Variants in MYO1F observed in about 807,000 individuals in gnomAD.
MYO1F encodes the protein myosin IF, also known as unconventional myosin-If.
A neutral mutation model predicts 146.6 loss-of-function variants in MYO1F; 60 were observed. That is an observed-to-expected ratio of 0.41 (90% confidence interval 0.33 to 0.51). MYO1F has a LOEUF of 0.51. Among genes scored for constraint, MYO1F ranks in the 20% least tolerant of loss-of-function variants. The probability of loss-of-function intolerance (pLI) is 0.25; values close to 1 mark genes in which losing one functional copy is unlikely to be tolerated. For missense variants in MYO1F, 1,274 were observed against 1,534.3 expected (o/e 0.83, Z 2.83); for synonymous variants, 602 against 602.1 (o/e 1.00, Z 0.00).
In MYO1F at chr19:8,521,542, C is replaced by G; in HGVS notation, c.3283G>C (p.Val1095Leu). The G allele has an allele frequency of 6.2e-7, 1 of 1,614,158 alleles. No homozygotes were observed. Among genetic ancestry groups the G allele is most frequent in the African/African-American group, 1.3e-5 (1 of 75,064 alleles). Residue 1095 changes from valine to leucine, a missense_variant, in exon 28 of 28, where the codon GTG (valine) becomes CTG (leucine). Physicochemically the swap from Val to Leu is conservative, Grantham distance 32 (BLOSUM62 1). This residue lies in a region of MYO1F where 374 missense variants were observed against 379.2 expected (regional missense o/e 0.99). Coordinates refer to ENST00000644032, the MANE Select transcript of MYO1F (RefSeq NM_012335.4). Reference sequence around the variant, plus strand: ...CAGGGCCCAGCTCAGATCTTCTCCACGTAGTTTCCTGGGAAAAGGCCCTCC... The same window carrying G: ...CAGGGCCCAGCTCAGATCTTCTCCAGGTAGTTTCCTGGGAAAAGGCCCTCC... ...GQEGLFPGNY[V>L]EKI
At chr19:8,541,423 GTGTTT>G (rs1972961846) in intron 15 of MYO1F, among the ~76,000 whole-genome samples, 1 of 123,196 alleles carries the variant, frequency 8.1e-6, no homozygotes, top group African/African-American at 3.4e-5. Context: ...GTGTGTGTGT[GTGTTT>G]TTTTTTTTTT....
intron 1 of MYO1F, among the ~76,000 whole-genome samples, chr19:8,575,781 C>G (rs2042229549): frequency 6.6e-6 from 1 of 152,146 alleles, no homozygotes; most frequent in African/African-American, 2.4e-5. Flanking sequence ...GTCTGCCAAG[C>G]CGACTGTTGA....
At chr19:8,555,160 C>T (rs555958026) in intron 2 of MYO1F, among the ~76,000 whole-genome samples, 9 of 150,616 alleles carry the variant, frequency 6.0e-5, no homozygotes, top group Admixed American at 2.7e-4. Flanking sequence ...CCAGCCTGGG[C>T]AACAAGAGCC....
At chr19:8,545,401 C>T (rs1178953137) in intron 13 of MYO1F, 2 of 493,372 alleles carry the variant, frequency 4.1e-6, no homozygotes, top group Non-Finnish European at 7.5e-6. Context: ...GCAAATTTGA[C>T]TCTAACTGTG....
At chr19:8,521,634 C>G (rs1460702073) in intron 27 of MYO1F, 30 bp from the exon 28 acceptor site, 1 of 1,604,838 alleles carries the variant, frequency 6.2e-7, no homozygotes, top group Admixed American at 1.7e-5. Flanking sequence ...TTGAGGTGCC[C>G]CTAGCTGGCC....
chr19:8,556,090 G>A (rs530687787), intron 1 of MYO1F, among the ~76,000 whole-genome samples: 52 of 151,270 alleles, frequency 3.4e-4, no homozygotes, highest in Non-Finnish European at 6.5e-4. Context: ...GTGCAGTGGC[G>A]TGATCTCTGC....
intron 1 of MYO1F, among the ~76,000 whole-genome samples, chr19:8,564,151 T>C (rs990151014): frequency 5.9e-5 from 9 of 151,630 alleles, no homozygotes; most frequent in African/African-American, 1.7e-4. Flanking sequence ...GAGGCCAAGG[T>C]GGATGGATCA....
intron 25 of MYO1F, among the ~76,000 whole-genome samples, chr19:8,524,404 T>C (rs1365981486): frequency 1.6e-5 from 2 of 124,974 alleles, no homozygotes; most frequent in East Asian, 2.3e-4. Context: ...GCAACAGGGC[T>C]AGACTCTGTC....
chr19:8,569,009 C>T (rs184876243), intron 1 of MYO1F, among the ~76,000 whole-genome samples: 65 of 152,142 alleles, frequency 4.3e-4, no homozygotes, highest in Middle Eastern at 6.8e-3. Flanking sequence ...AGAAAAAATG[C>T]GCCGAGATGC....
rs759894392 is a variant in MYO1F at position 8,551,854 on chromosome 19, C to T, written c.657G>A (p.Gln219=). Reference sequence around the variant, plus strand: ...TGAGGCCCAGGTTCTGCCTTTGCTCCTGGGAGGCCCCTTCCAGCAGCTGGA... The same window carrying T: ...TGAGGCCCAGGTTCTGCCTTTGCTCTTGGGAGGCCCCTTCCAGCAGCTGGA... The part of the protein sequence containing the change: ...IYYQLLEGAS[Q]EQRQNLGLMT... The change falls in exon 8 of 28, where the codon CAG becomes CAA. Residue 219 remains glutamine, a synonymous_variant. Coordinates refer to ENST00000644032, the MANE Select transcript of MYO1F (RefSeq NM_012335.4). 1 of 1,614,156 alleles carries T rather than the reference C, an allele frequency of 6.2e-7. No homozygotes were observed. Among genetic ancestry groups the T allele is most frequent in the Non-Finnish European group, 8.5e-7 (1 of 1,180,036 alleles).
chr19:8,523,837 T>C (rs36025540), intron 25 of MYO1F, among the ~76,000 whole-genome samples: 4,093 of 152,166 alleles, frequency 0.027, 188 homozygotes, highest in African/African-American at 0.094. Context: ...AAAGAATTTT[T>C]AGGCTAGGCG....
Position 8,521,022 on chromosome 19 carries a change from C to T in MYO1F, c.*506G>A, listed in dbSNP as rs116789656. ...TGAACCTCTCTGAACCTCCATTGTT[C>T]CACCTGTAAGATGGGGTCCTTCACA... On this transcript the variant is annotated 3_prime_UTR_variant, in exon 28 of 28. Coordinates refer to ENST00000644032, the MANE Select transcript of MYO1F (RefSeq NM_012335.4). The T allele has an allele frequency of 2.3e-3, 583 of 248,666 alleles. 5 individuals carry two copies. The highest frequency in any genetic ancestry group is 0.011 in the African/African-American group (501 of 44,870). The allele number at this position is 248,666 out of a possible 1,614,324, so 15.4% of individuals were successfully genotyped here. A position where few individuals can be genotyped will look rare whatever the true frequency, so the allele number is the denominator to read the frequency against.
intron 27 of MYO1F, 59 bp downstream of exon 27, chr19:8,522,318 G>A (rs1032960294): frequency 1.4e-5 from 23 of 1,608,420 alleles, no homozygotes; most frequent in South Asian, 7.7e-5. Context: ...CACCGCGCCC[G>A]GCCGATGTCA....
chr19:8,545,402 TCTAA>T, intron 13 of MYO1F: 1 of 496,782 alleles, frequency 2.0e-6, no homozygotes, highest in Non-Finnish European at 3.7e-6. Context: ...CAAATTTGAC[TCTAA>T]CTGTGAGCTG....
intron 16 of MYO1F, among the ~76,000 whole-genome samples, chr19:8,539,439 A>T (rs1972864388): frequency 1.3e-5 from 2 of 151,664 alleles, no homozygotes; most frequent in African/African-American, 2.4e-5. Flanking sequence ...ACCAACAAAA[A>T]AACAAAATTA....
chr19:8,522,046 G>A lies in MYO1F; in HGVS notation c.3220+331C>T, dbSNP rs531545916. On this transcript the variant is annotated intron_variant, in intron 27 of 27. Transcript: ENST00000644032. ...TTCTTTTTTTTTTTTTTTTTGAGACGGAGTCTCGCTCTATCGCCCAGGCTG... is the reference window on the plus strand; with the variant it reads ...TTCTTTTTTTTTTTTTTTTTGAGACAGAGTCTCGCTCTATCGCCCAGGCTG... 9.6e-4 allele frequency among the ~76,000 whole-genome samples: 143 copies of A among 148,924 alleles called. 1 individual carries two copies. Among genetic ancestry groups the A allele is most frequent in the African/African-American group, 3.3e-3 (133 of 40,446 alleles).
chr19:8,542,665 A>G (rs1207961673), intron 14 of MYO1F, among the ~76,000 whole-genome samples: 1 of 151,148 alleles, frequency 6.6e-6, no homozygotes, highest in Non-Finnish European at 1.5e-5. Context: ...CAATGACACG[A>G]TCTCAGCTCA....
At chr19:8,532,942 ACACACAC>A (rs1400853695) in intron 19 of MYO1F, among the ~76,000 whole-genome samples, 15 of 149,400 alleles carry the variant, frequency 1.0e-4, no homozygotes, top group African/African-American at 3.3e-4. Context: ...ACACACACAC[ACACACAC>A]AATTGGGCTT....
intron 1 of MYO1F, among the ~76,000 whole-genome samples, chr19:8,574,638 TTTCTTTCCTTTCTTTC>T (rs2042194779): frequency 0.01 from 572 of 54,488 alleles, 2 homozygotes; most frequent in East Asian, 0.057. Flanking sequence ...TCTTTCTTTC[TTTCTTTCCTTTCTTTC>T]TCTTTCTTCT....
Sources: gnomAD v4.1 joint callset for allele counts (sites outside exome capture counted in the v4.1 genomes callset) on GRCh38, gnomAD v4.1.1 for gene constraint, gnomAD v4.1.1 regional missense constraint, MANE v1.5 for transcripts, NCBI Gene and HGNC (gene_info 2026-07-23, HGNC 2026-07-21) for gene names.